The following NPAS3 variants were observed in gnomAD, a reference collection of about 807,000 sequenced individuals.
NPAS3 encodes neuronal PAS domain-containing protein 3.
Under a neutral mutation model 73.1 loss-of-function variants are expected in NPAS3, and 14 were observed. The observed-to-expected ratio is 0.19, with a 90% CI of 0.13 to 0.30. The LOEUF (loss-of-function observed/expected upper bound fraction) is 0.30, where lower values mean the gene tolerates loss of function less well. NPAS3 is among the 10% of genes least tolerant of loss of function. The pLI is 1.00. For synonymous variants in NPAS3, 620 were observed against 541.5 expected (o/e 1.14, Z -2.01); for missense variants, 1,096 against 1,250.0 (o/e 0.88, Z 1.86).
At chr14:32,935,051 TG>T, upstream of NPAS3, 3 of 1,162,036 alleles carry the variant, frequency 2.6e-6, no homozygotes, top group South Asian at 3.1e-5. Flanking sequence ...CCCGGGGTGC[TG>T]GGGTGGGACT....
At chr14:33,678,772 C>T (rs2059846061) in intron 6 of NPAS3, among the ~76,000 whole-genome samples, 2 of 150,684 alleles carry the variant, frequency 1.3e-5, no homozygotes, top group African/African-American at 2.4e-5. Flanking sequence ...AAAAAATCCA[C>T]AGCCTGTAAA....
intron 6 of NPAS3, among the ~76,000 whole-genome samples, chr14:33,719,393 A>C (rs1243471883): frequency 6.6e-6 from 1 of 152,172 alleles, no homozygotes; most frequent in Non-Finnish European, 1.5e-5. Context: ...TACCAACTAC[A>C]ACCATGAAAG....
chr14:33,532,340 C>A (rs2140183691), intron 4 of NPAS3, among the ~76,000 whole-genome samples: 1 of 152,182 alleles, frequency 6.6e-6, no homozygotes, highest in South Asian at 2.1e-4. Flanking sequence ...CCAGCTGTAG[C>A]CAACATTTAC....
intron 3 of NPAS3, among the ~76,000 whole-genome samples, chr14:33,265,759 C>G (rs776177933): frequency 1.4e-4 from 21 of 151,984 alleles, no homozygotes; most frequent in Non-Finnish European, 2.1e-4. Context: ...CTGCTACTTT[C>G]TTTGTTACTT....
At chr14:33,672,205 G>A (rs571102693) in intron 5 of NPAS3, among the ~76,000 whole-genome samples, 20 of 152,150 alleles carry the variant, frequency 1.3e-4, no homozygotes, top group African/African-American at 3.6e-4. Flanking sequence ...GTCCCTTCCC[G>A]GCATTTATAC....
chr14:33,722,797 C>G (rs561767155), intron 6 of NPAS3, among the ~76,000 whole-genome samples: 20 of 152,080 alleles, frequency 1.3e-4, no homozygotes, highest in Non-Finnish European at 2.2e-4. Context: ...AGAATATTCT[C>G]CAATAAATAA....
intron 4 of NPAS3, among the ~76,000 whole-genome samples, chr14:33,469,724 C>G (rs1385392341): frequency 2.6e-5 from 4 of 152,086 alleles, no homozygotes; most frequent in Non-Finnish European, 4.4e-5. Flanking sequence ...TGAACACTCT[C>G]TTCTTAATTT....
intron 4 of NPAS3, among the ~76,000 whole-genome samples, chr14:33,437,830 G>A (rs550308332): frequency 9.2e-5 from 14 of 152,294 alleles, no homozygotes; most frequent in African/African-American, 3.1e-4. Flanking sequence ...ATGTGGTAGG[G>A]TAGACCATGT....
At chr14:33,348,267 G>T (rs926176732) in intron 3 of NPAS3, among the ~76,000 whole-genome samples, 2 of 152,026 alleles carry the variant, frequency 1.3e-5, no homozygotes, top group Non-Finnish European at 2.9e-5. Flanking sequence ...TCATCCAGCC[G>T]CTCTCTCCCT....
chr14:33,442,171 T>C lies in NPAS3; in HGVS notation c.468+74903T>C, dbSNP rs572939743. Among the ~76,000 whole-genome samples the C allele has an allele frequency of 2.0e-5, 3 of 152,334 alleles. No individual in the cohort carries two copies. In the South Asian group the frequency reaches 6.2e-4, roughly 32 times the overall value. ...GAGGACTAAATCCTTGATCTAAAAA[T>C]TATACTTGTATTAACATGGCTTAAA... On this transcript the variant is annotated intron_variant, in intron 4 of 11. Coordinates refer to ENST00000356141, the Ensembl canonical transcript of NPAS3.
At chr14:33,712,037 A>G (rs1327991823) in intron 6 of NPAS3, among the ~76,000 whole-genome samples, 1 of 152,192 alleles carries the variant, frequency 6.6e-6, no homozygotes. Context: ...GAGATACAAA[A>G]GCATCACTAT....
chr14:33,004,122 C>G (rs1401754840), intron 1 of NPAS3, among the ~76,000 whole-genome samples: 1 of 152,130 alleles, frequency 6.6e-6, no homozygotes, highest in Non-Finnish European at 1.5e-5. Context: ...GCATTTAGAA[C>G]AGACATGTAG....
chr14:33,773,394 G>A (rs892159080), intron 7 of NPAS3, among the ~76,000 whole-genome samples: 4 of 152,152 alleles, frequency 2.6e-5, no homozygotes, highest in African/African-American at 9.7e-5. Context: ...AGCTAGAGTT[G>A]ATATGCACAT....
At chr14:33,374,414 A>T (rs531886786) in intron 4 of NPAS3, among the ~76,000 whole-genome samples, 1 of 152,280 alleles carries the variant, frequency 6.6e-6, no homozygotes, top group Admixed American at 6.5e-5. Flanking sequence ...TAGTTGGTCC[A>T]TATAGTCTTT....
chr14:33,106,260 A>G (rs1179915797), intron 2 of NPAS3, among the ~76,000 whole-genome samples: 1 of 152,202 alleles, frequency 6.6e-6, no homozygotes, highest in Non-Finnish European at 1.5e-5. Context: ...TATTTTGAGA[A>G]GAAAAGAAGT....
intron 3 of NPAS3, among the ~76,000 whole-genome samples, chr14:33,249,693 C>T (rs1566723047): frequency 6.6e-6 from 1 of 152,088 alleles, no homozygotes. Flanking sequence ...ATCCCTGCCG[C>T]TTTACAGTTC....
chr14:32,966,863 A>G (rs1316020), intron 1 of NPAS3, among the ~76,000 whole-genome samples: 46,958 of 150,118 alleles, frequency 0.31, 8,309 homozygotes, highest in African/African-American at 0.44. Context: ...ATTGGCCTGA[A>G]CAAGGATTTT....
rs1248956242 is a variant in NPAS3, at chr14:33,800,912, A to G, written c.2605A>G (p.Met869Val). 5 of 1,608,828 alleles carry G rather than the reference A, an allele frequency of 3.1e-6. No individual in the cohort carries two copies. Among genetic ancestry groups the G allele is most frequent in the Non-Finnish European group, 4.2e-6 (5 of 1,178,140 alleles). ...CTTTGGCCTCGACCCCAAGACGCCC[A>G]TGGAGATGCTCTACCACCACGTGCA... is the stretch of plus-strand genomic sequence containing the variant. The change falls in exon 12 of 12, where the codon ATG becomes GTG. Residue 869 changes from methionine to valine, a missense_variant. Transcript: ENST00000356141. This position sits in a 1 kb window ranked among gnomAD's most constrained non-coding sequence, Gnocchi z 6.5.
chr14:33,403,883 TC>T (rs1390229896), intron 4 of NPAS3, among the ~76,000 whole-genome samples: 1 of 152,056 alleles, frequency 6.6e-6, no homozygotes, highest in African/African-American at 2.4e-5. Flanking sequence ...ATTTCTCTCA[TC>T]ATCAATAAGA....
Sources: allele counts gnomAD v4.1 joint callset (sites outside exome capture counted in the v4.1 genomes callset), GRCh38; gene constraint gnomAD v4.1.1; non-coding constraint Gnocchi (gnomAD v3.1); transcripts MANE v1.5; gene names NCBI Gene and HGNC (gene_info 2026-07-23, HGNC 2026-07-21).